The following ZNF444 variants were observed in gnomAD, a reference collection of about 807,000 sequenced individuals.
ZNF444 encodes endothelial zinc finger protein 2.
A neutral mutation model predicts 14.4 loss-of-function variants in ZNF444; 8 were observed. That is an observed-to-expected ratio of 0.56 (90% CI 0.33 to 1.00). The LOEUF (loss-of-function observed/expected upper bound fraction) is 1.00, where lower values mean the gene tolerates loss of function less well. ZNF444 is among the 50% of genes least tolerant of loss of function. The probability of loss-of-function intolerance (pLI) is 0.03; values close to 1 mark genes in which losing one functional copy is unlikely to be tolerated. For missense variants in ZNF444, 510 were observed against 504.8 expected, an observed-to-expected ratio of 1.01 and a Z score of -0.10; for synonymous variants, 258 against 235.9, an observed-to-expected ratio of 1.09 and a Z score of -0.86.
In ZNF444 at chr19:56,146,929, C is replaced by A; in HGVS notation, c.18C>A (p.Pro6=). The change falls in exon 3 of 5, where the codon CCC becomes CCA. Residue 6 remains proline, a synonymous_variant. Coordinates refer to ENST00000337080, the MANE Select transcript of ZNF444 (RefSeq NM_018337.4). ...GAGGCCCCATGGAGGTGGCGGTGCC[C>A]GTGAAGCAGGAGGCCGAGGGCCTGG... The part of the protein sequence containing the change: MEVAV[P]VKQEAEGLAL... 1 of 1,440,266 alleles carries A rather than the reference C, an allele frequency of 6.9e-7. No individual in the cohort carries two copies. The highest frequency in any genetic ancestry group is 1.4e-5 in the South Asian group (1 of 69,378). 89.2% of individuals were successfully genotyped at this position (1,440,266 alleles called of 1,614,324 possible).
chr19:56,133,844 G>GAGCT lies in ZNF444; in HGVS notation c.-197+1067_-197+1070dup, dbSNP rs368253776. 1.5e-3 allele frequency among the ~76,000 whole-genome samples: 225 copies of GAGCT among 150,924 alleles called. 1 individual carries two copies. The highest frequency in any genetic ancestry group is 5.2e-3 in the African/African-American group (215 of 41,114). Reference sequence around the variant, plus strand: ...AAAAAAAAATGGGGTGATTCCTGATGAGCTCTGCTGCCTCGCCGGGGGAGC... The same window carrying GAGCT: ...AAAAAAAAATGGGGTGATTCCTGATGAGCTAGCTCTGCTGCCTCGCCGGGGGAGC... On this transcript the variant is annotated intron_variant, in intron 1 of 2. Coordinates refer to the ZNF444 transcript ENST00000587467.
exon 1 of ZNF444, chr19:56,132,606 A>AGCTTC (rs1487311906): frequency 6.6e-6 from 1 of 152,240 alleles, no homozygotes; most frequent in Non-Finnish European, 1.5e-5. Flanking sequence ...TGGGAAATGC[A>AGCTTC]GCTTCAATCT....
chr19:56,159,730 C>T lies in ZNF444; in HGVS notation c.513C>T (p.Ala171=), dbSNP rs771950493. Reference sequence around the variant, plus strand: ...CCCCGCTGGCGCCTGGCCTGCCCGCCTTCCTAGCGGCCCCGGGCACCACGT... The same window carrying T: ...CCCCGCTGGCGCCTGGCCTGCCCGCTTTCCTAGCGGCCCCGGGCACCACGT... ...SSPPLAPGLP[A]FLAAPGTTSC... is the part of the protein sequence containing the mutation. The change falls in exon 5 of 5, where the codon GCC becomes GCT. Residue 171 remains alanine (A), a synonymous_variant. Transcript: ENST00000337080. 3 of 1,576,616 alleles carry T rather than the reference C, an allele frequency of 1.9e-6. No homozygotes were observed. The highest frequency in any genetic ancestry group is 1.3e-5 in the African/African-American group (1 of 74,292).
Position 56,160,549 on chromosome 19 carries a change from T to A in ZNF444, c.*348T>A. 1 of 259,112 alleles carries A rather than the reference T, an allele frequency of 3.9e-6. No individual in the cohort carries two copies. 16.1% of individuals were successfully genotyped at this position (259,112 alleles called of 1,614,324 possible). The stretch of plus-strand genomic sequence containing the variant: ...CTCCTCCATTCCTCTCTCCCTGCCC[T>A]TTTCCTGCCTGAAGAGCAGAGGTGA... On this transcript the variant is annotated 3_prime_UTR_variant, in exon 5 of 5. Transcript: ENST00000337080.
chr19:56,157,438 C>T (rs1348460201), intron 3 of ZNF444: 1 of 152,092 alleles, frequency 6.6e-6, no homozygotes, highest in Non-Finnish European at 1.5e-5. Flanking sequence ...GAGTCTCACT[C>T]TGTTGCCCAG....
chr19:56,139,019 A>G (rs1239840463), upstream of ZNF444, among the ~76,000 whole-genome samples: 1 of 151,484 alleles, frequency 6.6e-6, no homozygotes, highest in Admixed American at 6.6e-5. Flanking sequence ...GTGGTCTCGA[A>G]CTCCTAACTT....
intron 3 of ZNF444, among the ~76,000 whole-genome samples, chr19:56,152,311 G>T (rs1408825130): frequency 6.8e-6 from 1 of 147,354 alleles, no homozygotes; most frequent in Non-Finnish European, 1.5e-5. Context: ...CAGCCTGGGC[G>T]ACAGAGTGAG....
chr19:56,142,898 A>T (rs1201026107), intron 1 of ZNF444, among the ~76,000 whole-genome samples: 7 of 152,172 alleles, frequency 4.6e-5, no homozygotes, highest in Admixed American at 3.9e-4. Flanking sequence ...CTCTGGAGTC[A>T]CATCTGGGTC....
chr19:56,133,838 C>G (rs2030549795), intron 1 of ZNF444, among the ~76,000 whole-genome samples: 1 of 149,676 alleles, frequency 6.7e-6, no homozygotes, highest in Admixed American at 6.6e-5. Flanking sequence ...TGGGGTGATT[C>G]CTGATGAGCT....
At chr19:56,140,100 C>A (rs566037775), upstream of ZNF444, among the ~76,000 whole-genome samples, 23 of 152,330 alleles carry the variant, frequency 1.5e-4, no homozygotes, top group East Asian at 4.2e-3. Context: ...CTTGTGAAAC[C>A]TGGGGAAAGT....
At chr19:56,157,594 AG>A (rs201685321) in intron 3 of ZNF444, 5,404 of 152,232 alleles carry the variant, frequency 0.035, 104 homozygotes, top group African/African-American at 0.045. Context: ...TAGTAGAGTT[AG>A]GATTTCACCA....
chr19:56,156,175 G>A (rs1432423269), intron 3 of ZNF444: 1 of 152,274 alleles, frequency 6.6e-6, no homozygotes, highest in African/African-American at 2.4e-5. Context: ...TCCGAGCGCA[G>A]GGGCCTCTGT....
chr19:56,153,164 A>G (rs1298350936), intron 3 of ZNF444, among the ~76,000 whole-genome samples: 1 of 152,100 alleles, frequency 6.6e-6, no homozygotes, highest in African/African-American at 2.4e-5. Flanking sequence ...AGAACAGGGG[A>G]CATTTGGGAA....
chr19:56,140,573 C>G (rs1184556584), upstream of ZNF444, among the ~76,000 whole-genome samples: 1 of 152,198 alleles, frequency 6.6e-6, no homozygotes, highest in Non-Finnish European at 1.5e-5. Flanking sequence ...GGCCCCCGCG[C>G]TGGCCCCCTC....
intron 1 of ZNF444, among the ~76,000 whole-genome samples, chr19:56,134,533 C>G (rs1198229809): frequency 6.6e-6 from 1 of 152,152 alleles, no homozygotes; most frequent in Non-Finnish European, 1.5e-5. Context: ...CAGTGAGGCA[C>G]TTGGTCCAGA....
At chr19:56,159,399 C>T (rs2123569624) in intron 4 of ZNF444, among the ~76,000 whole-genome samples, 1 of 152,278 alleles carries the variant, frequency 6.6e-6, no homozygotes, top group South Asian at 2.1e-4. Context: ...ATCTACCCAT[C>T]CATCATCCAG....
rs1278703158 is a variant in ZNF444, at chr19:56,160,447, CTCTG to C, written c.*248_*251del. On this transcript the variant is annotated 3_prime_UTR_variant, in exon 5 of 5. Transcript: ENST00000337080. ...TTCTCCCTGATTTCTCGGCCTCTCTCTCTGTGTGAAGGGGCCTCTCCCTAATGTC... is the reference window on the plus strand; with the variant it reads ...TTCTCCCTGATTTCTCGGCCTCTCTCTGTGAAGGGGCCTCTCCCTAATGTC... The C allele has an allele frequency of 6.4e-6, 3 of 471,276 alleles. No homozygotes were observed. The highest frequency in any genetic ancestry group is 6.2e-5 in the African/African-American group (3 of 48,254). The allele number at this position is 471,276 out of a possible 1,614,324, so 29.2% of individuals were successfully genotyped here.
chr19:56,154,493 G>T (rs552927626), intron 3 of ZNF444: 1 of 152,134 alleles, frequency 6.6e-6, no homozygotes. Flanking sequence ...TAGGAGAGAC[G>T]GGGTTTCACC....
Position 56,159,631 on chromosome 19 carries a change from C to T in ZNF444, c.414C>T (p.Thr138=), listed in dbSNP as rs747545415. 93 of 1,437,452 alleles carry T rather than the reference C, an allele frequency of 6.5e-5. No individual in the cohort carries two copies. Among genetic ancestry groups the T allele is most frequent in the East Asian group, 1.0e-4 (4 of 38,240 alleles). 89.0% of individuals were successfully genotyped at this position (1,437,452 alleles called of 1,614,324 possible). The change falls in exon 5 of 5, where the codon ACC becomes ACT. Residue 138 remains threonine, a synonymous_variant. Transcript: ENST00000337080. ...EDSGMIPLAG[T]APGAEGPAPG... is the part of the protein sequence containing the mutation. ...CTCTCTTTCTTTTCCCAGCAGGCAC[C>T]GCCCCTGGGGCTGAGGGGCCGGCGC...
Sources: gnomAD v4.1 joint callset for allele counts (sites outside exome capture counted in the v4.1 genomes callset) on GRCh38, gnomAD v4.1.1 for gene constraint, MANE v1.5 for transcripts, NCBI Gene and HGNC (gene_info 2026-07-23, HGNC 2026-07-21) for gene names.